Variants in TRAPPC8 observed in about 807,000 individuals in gnomAD.
The protein encoded by TRAPPC8 is general sporulation gene 1 homolog.
A neutral mutation model predicts 174.3 loss-of-function variants in TRAPPC8; 54 were observed. That is an observed-to-expected ratio of 0.31 (90% CI 0.25 to 0.39). The LOEUF is 0.39. TRAPPC8 is among the 10% of genes least tolerant of loss of function. TRAPPC8 has a pLI of 1.00. For missense variants in TRAPPC8, 1,531 were observed against 1,699.1 expected, an observed-to-expected ratio of 0.90 and a Z score of 1.74; for synonymous variants, 630 against 579.9, an observed-to-expected ratio of 1.09 and a Z score of -1.24.
chr18:31,842,682 C>T lies in TRAPPC8; in HGVS notation c.3838-3225G>A, dbSNP rs1297286509. ...AAATCCAAAGATGCAAAATCTGAAA[C>T]GCTCTGAAATCAGAAATGCTGCAAA... is the stretch of plus-strand genomic sequence containing the variant. On this transcript the variant is annotated intron_variant, in intron 26 of 28. Coordinates refer to ENST00000283351, the MANE Select transcript of TRAPPC8 (RefSeq NM_014939.5). 3.9e-5 allele frequency among the ~76,000 whole-genome samples: 6 copies of T among 152,240 alleles called. No homozygotes were observed. The South Asian group carries it at 1.0e-3, about 26-fold the overall frequency.
At chr18:31,935,949 C>T (rs920917003) in intron 1 of TRAPPC8, among the ~76,000 whole-genome samples, 5 of 151,276 alleles carry the variant, frequency 3.3e-5, no homozygotes, top group Admixed American at 1.3e-4. Context: ...ATGTTGGCCA[C>T]GCCGGTCTCA....
intron 4 of TRAPPC8, among the ~76,000 whole-genome samples, chr18:31,915,481 CG>C (rs139702430): frequency 0.13 from 16,782 of 131,680 alleles, 1,826 homozygotes; most frequent in South Asian, 0.28. Context: ...GGGGGGGGGG[CG>C]CAGGCGCAGT....
At chr18:31,878,864 TA>T (rs926426851) in intron 12 of TRAPPC8, among the ~76,000 whole-genome samples, 12 of 150,204 alleles carry the variant, frequency 8.0e-5, no homozygotes, top group African/African-American at 2.2e-4. Flanking sequence ...ACCAACAACA[TA>T]AAAAAAAAGA....
intron 20 of TRAPPC8, among the ~76,000 whole-genome samples, chr18:31,856,664 T>C (rs928081110): frequency 6.6e-6 from 1 of 152,164 alleles, no homozygotes; most frequent in African/African-American, 2.4e-5. Flanking sequence ...TTACAAAAAT[T>C]TTACACTGTG....
At chr18:31,933,030 A>C (rs911443992) in intron 1 of TRAPPC8, among the ~76,000 whole-genome samples, 2 of 143,918 alleles carry the variant, frequency 1.4e-5, no homozygotes, top group African/African-American at 5.1e-5. Context: ...AGCCGGGCGC[A>C]GTGGCTCACA....
At position 31,890,826 on chromosome 18, in the gene TRAPPC8, G is replaced by C. The variant is rs1454994266; in HGVS notation, c.1637C>G (p.Ala546Gly). 1.2e-6 allele frequency: 2 copies of C among 1,612,000 alleles called. No homozygotes were observed. The highest frequency in any genetic ancestry group is 1.7e-6 in the Non-Finnish European group (2 of 1,178,872). Residue 546 changes from alanine to glycine, a missense_variant, in exon 12 of 29, where the codon GCA (alanine) becomes GGA (glycine). Transcript: ENST00000283351. ...LRSALLLEQA[A>G]HCFINMKSPM... ...ACTTTTCATGTTTATAAAGCAATGT[G>C]CTGCCTGTTCCAAAAGAAGTGCACT... is the stretch of plus-strand genomic sequence containing the variant.
intron 27 of TRAPPC8, among the ~76,000 whole-genome samples, chr18:31,837,521 C>T (rs1343654761): frequency 6.6e-6 from 1 of 152,088 alleles, no homozygotes; most frequent in Admixed American, 6.6e-5. Flanking sequence ...GGTGAAACCG[C>T]ATCTCTACTA....
intron 26 of TRAPPC8, among the ~76,000 whole-genome samples, chr18:31,843,034 CA>C (rs1295520210): frequency 2.0e-5 from 3 of 151,714 alleles, no homozygotes; most frequent in Non-Finnish European, 2.9e-5. Flanking sequence ...ATTTTCAAGG[CA>C]AAAAAATTCA....
At chr18:31,921,352 G>A (rs897734856) in intron 2 of TRAPPC8, among the ~76,000 whole-genome samples, 7 of 152,018 alleles carry the variant, frequency 4.6e-5, no homozygotes, top group African/African-American at 1.2e-4. Context: ...GGTGGCTCAC[G>A]CCTGTAATCC....
At chr18:31,928,066 G>A (rs1427621726) in intron 2 of TRAPPC8, among the ~76,000 whole-genome samples, 18 of 142,014 alleles carry the variant, frequency 1.3e-4, no homozygotes, top group South Asian at 2.8e-4. Flanking sequence ...TGGGGCAGAA[G>A]AATCGTGTGA....
At chr18:31,856,300 T>A (rs2034007876) in intron 20 of TRAPPC8, among the ~76,000 whole-genome samples, 1 of 152,158 alleles carries the variant, frequency 6.6e-6, no homozygotes, top group South Asian at 2.1e-4. Flanking sequence ...AGATGGGGTT[T>A]CGCCATATTC....
Position 31,853,950 on chromosome 18 carries a change from C to CAA in TRAPPC8, c.3337-7_3337-6dup, listed in dbSNP as rs368121793. The CAA allele has an allele frequency of 2.6e-6, 4 of 1,566,388 alleles. No homozygotes were observed. In the African/African-American group the frequency reaches 4.2e-5, roughly 16 times the overall value. ...TTCCTTAACGCCTGCTTCACTCTGT[C>CAA]AAAAAAAAAGATAGGAGTCATTCAG... is the stretch of plus-strand genomic sequence containing the variant. On this transcript the variant is annotated splice_region_variant and splice_polypyrimidine_tract_variant and intron_variant, in intron 21 of 28. Coordinates refer to ENST00000283351, the MANE Select transcript of TRAPPC8 (RefSeq NM_014939.5).
At chr18:31,909,099 C>T (rs546696100) in intron 6 of TRAPPC8, 89 bp from the exon 7 acceptor site, 16 of 1,171,112 alleles carry the variant, frequency 1.4e-5, no homozygotes, top group Non-Finnish European at 1.7e-5. Context: ...AAAAAAAAAG[C>T]AGAATGTTAA....
At chr18:31,914,524 A>T (rs931762146) in intron 4 of TRAPPC8, among the ~76,000 whole-genome samples, 3 of 152,214 alleles carry the variant, frequency 2.0e-5, no homozygotes, top group Non-Finnish European at 4.4e-5. Flanking sequence ...TTTTTCTATT[A>T]ATATAGTAGT....
chr18:31,890,929 G>A, intron 11 of TRAPPC8, 63 bp from the exon 12 acceptor site: 2 of 1,480,810 alleles, frequency 1.4e-6, no homozygotes, highest in Admixed American at 2.2e-5. Flanking sequence ...TAGATAACTA[G>A]TGAAAAAAAC....
intron 19 of TRAPPC8, among the ~76,000 whole-genome samples, chr18:31,862,211 T>C (rs1473053982): frequency 4.6e-5 from 7 of 152,152 alleles, no homozygotes; most frequent in Non-Finnish European, 7.3e-5. Context: ...TTTTAACTCC[T>C]AGGCTTTACC....
At chr18:31,893,427 G>A (rs1045846399) in intron 11 of TRAPPC8, among the ~76,000 whole-genome samples, 1 of 151,962 alleles carries the variant, frequency 6.6e-6, no homozygotes, top group Non-Finnish European at 1.5e-5. Context: ...GCCTGTGTGT[G>A]TGTTACCCTG....
At chr18:31,893,016 CA>C (rs140091009) in intron 11 of TRAPPC8, among the ~76,000 whole-genome samples, 32,707 of 95,062 alleles carry the variant, frequency 0.34, 4,597 homozygotes, top group South Asian at 0.6. Context: ...CGCCTTGTCT[CA>C]AAAAAAGGGA....
intron 19 of TRAPPC8, among the ~76,000 whole-genome samples, chr18:31,862,426 A>C (rs2034376294): frequency 6.6e-6 from 1 of 152,182 alleles, no homozygotes; most frequent in Non-Finnish European, 1.5e-5. Context: ...ACTGCATCTA[A>C]AAGAGAACCT....
Sources: allele counts gnomAD v4.1 joint callset (sites outside exome capture counted in the v4.1 genomes callset), GRCh38; gene constraint gnomAD v4.1.1; transcripts MANE v1.5; gene names NCBI Gene and HGNC (gene_info 2026-07-23, HGNC 2026-07-21).